The following CLTCL1 variants were observed in gnomAD, a reference collection of about 807,000 sequenced individuals.
CLTCL1 encodes clathrin heavy chain like 1.
Under a neutral mutation model 190.0 loss-of-function variants are expected in CLTCL1, and 159 were observed. The observed-to-expected ratio is 0.84, with a 90% confidence interval of 0.74 to 0.95. The LOEUF (loss-of-function observed/expected upper bound fraction) is 0.95. Among genes scored for constraint, CLTCL1 ranks in the 40% least tolerant of loss-of-function variants. The pLI is 0.00. For missense variants in CLTCL1, 1,878 were observed against 2,033.4 expected, an observed-to-expected ratio of 0.92 and a Z score of 1.47; for synonymous variants, 752 against 769.6, an observed-to-expected ratio of 0.98 and a Z score of 0.38.
chr22:19,203,645 C>A (rs1278306464), intron 22 of CLTCL1, among the ~76,000 whole-genome samples: 1 of 151,600 alleles, frequency 6.6e-6, no homozygotes, highest in Non-Finnish European at 1.5e-5. Context: ...TTTGGTCCAT[C>A]CCCCCCCAGC....
intron 1 of CLTCL1, among the ~76,000 whole-genome samples, chr22:19,277,702 T>G (rs1378846540): frequency 6.6e-6 from 1 of 152,232 alleles, no homozygotes; most frequent in African/African-American, 2.4e-5. Flanking sequence ...GTATTTTTCC[T>G]GTTCTCACAC....
At position 19,254,012 on chromosome 22, in the gene CLTCL1, A is replaced by T; in HGVS notation, c.466T>A (p.Tyr156Asn). Residue 156 changes from tyrosine (Y) to asparagine (N), a missense_variant, in exon 3 of 33, where the codon TAC becomes AAC. By Grantham distance (143) the Tyr-to-Asn change is moderately radical. Coordinates refer to ENST00000427926, the MANE Select transcript of CLTCL1 (RefSeq NM_007098.4). ...TSLVGCQVIHYRTDEYQKWLL... is the reference protein window; with the variant it reads ...TSLVGCQVIHNRTDEYQKWLL... ...CACTTCTGGTACTCATCAGTCCGGT[A>T]GTGAATCACCTGGCAGCCCACCAGA... 6.2e-7 allele frequency: 1 copy of T among 1,613,182 alleles called. No homozygotes were observed. Among genetic ancestry groups the T allele is most frequent in the Non-Finnish European group, 8.5e-7 (1 of 1,179,526 alleles).
chr22:19,199,632 C>T (rs1258944646), intron 24 of CLTCL1, 102 bp downstream of exon 24: 12 of 780,604 alleles, frequency 1.5e-5, no homozygotes, highest in East Asian at 1.4e-4. Context: ...TTTGCAGATG[C>T]AACACTGTGA....
Position 19,254,040 on chromosome 22 carries a change from G to T in CLTCL1, c.438C>A (p.Thr146=). 1 of 1,612,198 alleles carries T rather than the reference G, an allele frequency of 6.2e-7. No homozygotes were observed. Among genetic ancestry groups the T allele is most frequent in the Non-Finnish European group, 8.5e-7 (1 of 1,179,048 alleles). ...SQPMKMFDRH[T]SLVGCQVIHY... Reference sequence around the variant, plus strand: ...GAATCACCTGGCAGCCCACCAGACTGGTATGTCTATCAAACATCTTCATGG... The same window carrying T: ...GAATCACCTGGCAGCCCACCAGACTTGTATGTCTATCAAACATCTTCATGG... The change falls in exon 3 of 33, where the codon ACC becomes ACA. Residue 146 remains threonine (T), a synonymous_variant. Transcript: ENST00000427926.
At chr22:19,189,757 A>G (rs983221568) in intron 27 of CLTCL1, among the ~76,000 whole-genome samples, 2 of 152,176 alleles carry the variant, frequency 1.3e-5, no homozygotes, top group Non-Finnish European at 2.9e-5. Flanking sequence ...TGGTGTCTTT[A>G]CTTGTTTCCA....
intron 22 of CLTCL1, 111 bp downstream of exon 22, chr22:19,208,043 T>C (rs1555943841): frequency 7.5e-7 from 1 of 1,331,154 alleles, no homozygotes; most frequent in Non-Finnish European, 1.1e-6. Context: ...AAAAACTGTC[T>C]TCGATGAAAC....
At chr22:19,262,185 C>A (rs1426321729) in intron 2 of CLTCL1, among the ~76,000 whole-genome samples, 1 of 151,682 alleles carries the variant, frequency 6.6e-6, no homozygotes, top group Non-Finnish European at 1.5e-5. Context: ...GCCACCAGGC[C>A]CAGCTAATTT....
At chr22:19,205,829 T>C (rs1284300653) in intron 22 of CLTCL1, among the ~76,000 whole-genome samples, 5 of 152,234 alleles carry the variant, frequency 3.3e-5, no homozygotes, top group Non-Finnish European at 5.9e-5. Context: ...AAAAGCTCAA[T>C]TTTTACCTTT....
At chr22:19,187,091 T>C (rs1780639) in intron 29 of CLTCL1, among the ~76,000 whole-genome samples, 113,820 of 151,172 alleles carry the variant, frequency 0.75, 44,114 homozygotes, top group East Asian at 0.94. Context: ...ATCACTACAC[T>C]TGGCTAATTT....
At chr22:19,289,918 C>G (rs1213541689) in intron 1 of CLTCL1, among the ~76,000 whole-genome samples, 8 of 152,200 alleles carry the variant, frequency 5.3e-5, no homozygotes, top group African/African-American at 1.7e-4. Flanking sequence ...ATTTAAGGAA[C>G]AGGCTGAAGT....
intron 1 of CLTCL1, among the ~76,000 whole-genome samples, chr22:19,278,559 A>G (rs868917252): frequency 2.6e-4 from 40 of 152,316 alleles, no homozygotes; most frequent in African/African-American, 8.9e-4. Context: ...AACCACTGAT[A>G]CTTAGTAAAC....
intron 2 of CLTCL1, 109 bp downstream of exon 2, chr22:19,275,514 C>G (rs1171618398): frequency 3.4e-6 from 4 of 1,180,386 alleles, no homozygotes; most frequent in Non-Finnish European, 3.6e-6. Context: ...AAGTGGAATA[C>G]TATTGAGGAG....
At chr22:19,199,033 G>A (rs140788249) in intron 24 of CLTCL1, among the ~76,000 whole-genome samples, 18 of 152,248 alleles carry the variant, frequency 1.2e-4, no homozygotes, top group African/African-American at 2.4e-4. Flanking sequence ...ACACTCTGGC[G>A]CTGGTGCGAG....
intron 27 of CLTCL1, among the ~76,000 whole-genome samples, chr22:19,190,943 A>C (rs2084481193): frequency 6.6e-6 from 1 of 152,002 alleles, no homozygotes; most frequent in Non-Finnish European, 1.5e-5. Flanking sequence ...ACGCCCAGCT[A>C]ATTTTTGTAT....
chr22:19,221,881 A>G, intron 16 of CLTCL1, 70 bp downstream of exon 16: 1 of 1,545,220 alleles, frequency 6.5e-7, no homozygotes, highest in Non-Finnish European at 8.8e-7. Flanking sequence ...AGTCCTGGAG[A>G]ATTAGACAGA....
At chr22:19,284,933 G>A (rs1488699224) in intron 1 of CLTCL1, among the ~76,000 whole-genome samples, 3 of 146,966 alleles carry the variant, frequency 2.0e-5, no homozygotes, top group African/African-American at 7.6e-5. Flanking sequence ...CCAGCCTGGT[G>A]GACAGAGCGA....
At chr22:19,291,562 C>G in intron 1 of CLTCL1, 38 bp downstream of exon 1, 1 of 1,332,132 alleles carries the variant, frequency 7.5e-7, no homozygotes, top group Non-Finnish European at 9.7e-7. Context: ...GGCGGAGGCG[C>G]GGCTGACAGG....
At chr22:19,228,583 A>T (rs1274171000) in intron 11 of CLTCL1, among the ~76,000 whole-genome samples, 1 of 152,220 alleles carries the variant, frequency 6.6e-6, no homozygotes, top group African/African-American at 2.4e-5. Flanking sequence ...TTAGCAGCTA[A>T]CTTGTAGATT....
In CLTCL1 at chr22:19,186,782, G is replaced by A. The variant is rs191972183; in HGVS notation, c.4605+776C>T. On this transcript the variant is annotated intron_variant, in intron 29 of 32. Transcript: ENST00000427926. ...CACCCGGCTAACTTTTGTATTTTCA[G>A]TAGAGATAGGGTTTCACCATATTGG... Among the ~76,000 whole-genome samples, 428 of 152,082 alleles carry A rather than the reference G, an allele frequency of 2.8e-3. 2 individuals carry two copies. Among genetic ancestry groups the A allele is most frequent in the Middle Eastern group, 6.8e-3 (2 of 294 alleles).
Sources: gnomAD v4.1 joint callset for allele counts (sites outside exome capture counted in the v4.1 genomes callset) on GRCh38, gnomAD v4.1.1 for gene constraint, MANE v1.5 for transcripts, NCBI Gene and HGNC (gene_info 2026-07-23, HGNC 2026-07-21) for gene names.